GALNTL6: variants seen among roughly 807,000 people sequenced by gnomAD.
GALNTL6 encodes polypeptide N-acetylgalactosaminyltransferase like 6, also known as polypeptide N-acetylgalactosaminyltransferase-like 6.
Under a neutral mutation model 73.7 loss-of-function variants are expected in GALNTL6, and 46 were observed. The observed-to-expected ratio is 0.62, with a 90% CI of 0.49 to 0.80. The LOEUF (loss-of-function observed/expected upper bound fraction) is 0.80, where lower values mean the gene tolerates loss of function less well. Ranked by LOEUF, GALNTL6 falls within the 30% of genes least tolerant of loss-of-function variation. The probability of loss-of-function intolerance (pLI) is 0.00; values close to 1 mark genes in which losing one functional copy is unlikely to be tolerated. For synonymous variants in GALNTL6, 259 were observed against 263.7 expected, an observed-to-expected ratio of 0.98 and a Z score of 0.17; for missense variants, 604 against 755.0, an observed-to-expected ratio of 0.80 and a Z score of 2.34.
At chr4:172,391,464 TG>T (rs1398739736) in intron 5 of GALNTL6, among the ~76,000 whole-genome samples, 1 of 152,156 alleles carries the variant, frequency 6.6e-6, no homozygotes, top group Non-Finnish European at 1.5e-5. Context: ...CCTCAGCCTC[TG>T]GAGGAGCTGA....
At chr4:172,455,417 G>A (rs1316222179) in intron 5 of GALNTL6, among the ~76,000 whole-genome samples, 2 of 152,118 alleles carry the variant, frequency 1.3e-5, no homozygotes, top group Admixed American at 6.5e-5. Context: ...CTAGCTCAGC[G>A]GATCCCACCC....
chr4:172,650,415 G>A (rs1740424552), intron 5 of GALNTL6, among the ~76,000 whole-genome samples: 2 of 152,054 alleles, frequency 1.3e-5, no homozygotes, highest in African/African-American at 4.8e-5. Context: ...ATATCTAAGG[G>A]CCTAGGAAAT....
chr4:171,908,945 G>T (rs1243228120), intron 2 of GALNTL6, among the ~76,000 whole-genome samples: 3 of 139,836 alleles, frequency 2.1e-5, no homozygotes, highest in Non-Finnish European at 4.6e-5. Flanking sequence ...ATTGAACAAT[G>T]AGAACACATG....
At chr4:172,614,292 CTAAT>C (rs1254913626) in intron 5 of GALNTL6, among the ~76,000 whole-genome samples, 5 of 152,180 alleles carry the variant, frequency 3.3e-5, no homozygotes, top group Admixed American at 2.6e-4. Flanking sequence ...CACAGAAAAA[CTAAT>C]TATTTTTTGA....
At chr4:172,404,361 C>T (rs1160066810) in intron 5 of GALNTL6, among the ~76,000 whole-genome samples, 1 of 151,986 alleles carries the variant, frequency 6.6e-6, no homozygotes, top group Non-Finnish European at 1.5e-5. Context: ...CTGACAAATA[C>T]TAAATACCTA....
chr4:172,706,099 A>G lies in GALNTL6; in HGVS notation c.554-103262A>G, dbSNP rs56340131. Among the ~76,000 whole-genome samples, 938 of 152,210 alleles carry G rather than the reference A, an allele frequency of 6.2e-3. 9 individuals are homozygous for G. The highest frequency in any genetic ancestry group is 0.018 in the African/African-American group (734 of 41,560). On this transcript the variant is annotated intron_variant, in intron 5 of 12. Coordinates refer to ENST00000506823, the MANE Select transcript of GALNTL6 (RefSeq NM_001034845.3). ...TTTCTCAACTCCCTGTTAAAGACCA[A>G]TGACTCAGATTTGCTCTTTTTAGGC...
chr4:172,672,699 G>A (rs1056800269), intron 5 of GALNTL6, among the ~76,000 whole-genome samples: 50 of 152,072 alleles, frequency 3.3e-4, no homozygotes, highest in African/African-American at 1.1e-3. Context: ...CTCAATTTTA[G>A]AACTTATTAT....
At chr4:172,844,981 C>G (rs1035061237) in intron 7 of GALNTL6, among the ~76,000 whole-genome samples, 13 of 151,932 alleles carry the variant, frequency 8.6e-5, no homozygotes, top group African/African-American at 3.1e-4. Flanking sequence ...TTTGGGAGGC[C>G]AAGGCCGGCA....
intron 2 of GALNTL6, among the ~76,000 whole-genome samples, chr4:172,202,997 G>A (rs1446246827): frequency 2.6e-5 from 4 of 152,146 alleles, no homozygotes; most frequent in African/African-American, 9.7e-5. Flanking sequence ...AGATAGTATA[G>A]TTTACAAATA....
chr4:172,015,859 T>A (rs1741174111), intron 2 of GALNTL6, among the ~76,000 whole-genome samples: 1 of 150,056 alleles, frequency 6.7e-6, no homozygotes, highest in Admixed American at 6.7e-5. Context: ...AGGCTAAAGA[T>A]AGGACCCCAA....
At chr4:172,243,175 A>C (rs980555755) in intron 3 of GALNTL6, among the ~76,000 whole-genome samples, 1 of 152,138 alleles carries the variant, frequency 6.6e-6, no homozygotes, top group African/African-American at 2.4e-5. Flanking sequence ...ATGTTCCAGC[A>C]ATTTTTCACT....
intron 2 of GALNTL6, among the ~76,000 whole-genome samples, chr4:171,992,079 G>C (rs910891454): frequency 1.3e-5 from 2 of 151,892 alleles, no homozygotes; most frequent in Non-Finnish European, 2.9e-5. Flanking sequence ...TTATGGCTCT[G>C]AAAGCAAATT....
chr4:172,156,540 A>AGTATATATATATATATATAT (rs58197299), intron 2 of GALNTL6, among the ~76,000 whole-genome samples: 1 of 125,166 alleles, frequency 8.0e-6, no homozygotes, highest in African/African-American at 3.4e-5. Flanking sequence ...ATATATATAT[A>AGTATATATATATATATATAT]ATATATATAT....
At chr4:171,989,660 C>T (rs892469305) in intron 2 of GALNTL6, among the ~76,000 whole-genome samples, 6 of 151,962 alleles carry the variant, frequency 3.9e-5, no homozygotes, top group African/African-American at 1.2e-4. Context: ...CTTATTACTG[C>T]ACATCTTGAA....
At chr4:172,716,560 C>T (rs1252182074) in intron 5 of GALNTL6, among the ~76,000 whole-genome samples, 1 of 152,092 alleles carries the variant, frequency 6.6e-6, no homozygotes, top group African/African-American at 2.4e-5. Flanking sequence ...CATAACGCGG[C>T]CCATGATTCT....
chr4:172,820,104 G>T (rs529793378), intron 7 of GALNTL6, among the ~76,000 whole-genome samples: 1 of 152,210 alleles, frequency 6.6e-6, no homozygotes, highest in African/African-American at 2.4e-5. Context: ...GCCCAGTGGA[G>T]AGTGTGAGTA....
At chr4:172,451,470 A>G (rs1732208572) in intron 5 of GALNTL6, among the ~76,000 whole-genome samples, 1 of 152,158 alleles carries the variant, frequency 6.6e-6, no homozygotes, top group African/African-American at 2.4e-5. Flanking sequence ...ATGGGCAGAA[A>G]GTGTTACAAA....
At chr4:172,736,955 A>C (rs4345154) in intron 5 of GALNTL6, among the ~76,000 whole-genome samples, 146,458 of 152,278 alleles carry the variant, frequency 0.96, 70,691 homozygotes, top group East Asian at 1. Context: ...TGCCTTTGTT[A>C]CTCCTCTTTC....
At chr4:172,065,380 G>A (rs904874889) in intron 2 of GALNTL6, among the ~76,000 whole-genome samples, 12 of 152,058 alleles carry the variant, frequency 7.9e-5, no homozygotes, top group African/African-American at 1.7e-4. Context: ...ACTGTGCTGC[G>A]CATTTCCTAA....
Sources: allele counts gnomAD v4.1 joint callset (sites outside exome capture counted in the v4.1 genomes callset), GRCh38; gene constraint gnomAD v4.1.1; transcripts MANE v1.5; gene names NCBI Gene and HGNC (gene_info 2026-07-23, HGNC 2026-07-21).